TENM2: variants seen among roughly 807,000 people sequenced by gnomAD.
TENM2 encodes the protein teneurin transmembrane protein 2, also known as teneurin-2.
A neutral mutation model predicts 245.2 loss-of-function variants in TENM2; 52 were observed. The ratio of observed to expected loss-of-function variants is 0.21; its 90% CI spans 0.17 to 0.27. The LOEUF is 0.27. Ranked by LOEUF, TENM2 falls within the 10% of genes least tolerant of loss-of-function variation. The pLI is 1.00. For synonymous variants in TENM2, 1,363 were observed against 1,438.9 expected, an observed-to-expected ratio of 0.95 and a Z score of 1.19; for missense variants, 3,046 against 3,666.8, an observed-to-expected ratio of 0.83 and a Z score of 4.37.
the TENM2 span, chr5:167,168,187 G>T: frequency 1.3e-5 from 2 of 152,186 alleles, no homozygotes; most frequent in Admixed American, 6.5e-5. Flanking sequence ...GTATAAGTTT[G>T]AATTGTTTAT....
At chr5:167,706,753 G>A (rs112084310) in intron 2 of TENM2, among the ~76,000 whole-genome samples, 6,197 of 151,710 alleles carry the variant, frequency 0.041, 418 homozygotes, top group East Asian at 0.25. Flanking sequence ...GGTGGCTCAC[G>A]CCTGTAATCC....
At chr5:168,024,588 A>G (rs745434421) in intron 5 of TENM2, among the ~76,000 whole-genome samples, 1 of 152,226 alleles carries the variant, frequency 6.6e-6, no homozygotes, top group Non-Finnish European at 1.5e-5. Context: ...AATTAGCTCC[A>G]TGTGAAAAAT....
intron 2 of TENM2, among the ~76,000 whole-genome samples, chr5:167,665,809 G>A (rs1005353079): frequency 6.6e-6 from 1 of 152,002 alleles, no homozygotes; most frequent in African/African-American, 2.4e-5. Context: ...TTTCTTAAAT[G>A]TCCCATTCTG....
At chr5:167,969,661 T>A (rs1463073758) in intron 4 of TENM2, among the ~76,000 whole-genome samples, 1 of 152,208 alleles carries the variant, frequency 6.6e-6, no homozygotes, top group Non-Finnish European at 1.5e-5. Context: ...CTTGCACTTC[T>A]TTACTTTCTA....
intron 2 of TENM2, 76 bp from the exon 5 acceptor site, chr5:167,875,910 G>T (rs1305128901): frequency 2.0e-5 from 18 of 901,060 alleles, no homozygotes; most frequent in Non-Finnish European, 3.0e-5. Flanking sequence ...ATTGTGAGCT[G>T]GTTTCAATGT....
In TENM2 at chr5:167,483,968, C is replaced by T. The variant is rs138051617; in HGVS notation, c.502+108495C>T. On this transcript the variant is annotated intron_variant, in intron 2 of 28. Transcript: ENST00000518659. ...TTTCGATGCTAATTATGTATACATA[C>T]TTAAGTTGTTGTATGGGCTAGTGGG... 7.6e-4 allele frequency among the ~76,000 whole-genome samples: 115 copies of T among 152,232 alleles called. No individual in the cohort carries two copies. In the Middle Eastern group the frequency reaches 0.01, roughly 14 times the overall value.
chr5:167,802,142 G>A (rs73803208), intron 2 of TENM2, among the ~76,000 whole-genome samples: 10,584 of 152,068 alleles, frequency 0.07, 440 homozygotes, highest in Middle Eastern at 0.11. Context: ...CCATTCATGA[G>A]GGCAGAGCCT....
exon 29 of TENM2, chr5:168,262,261 T>A: frequency 6.2e-7 from 1 of 1,607,362 alleles, no homozygotes; most frequent in South Asian, 1.1e-5. Flanking sequence ...CCAGCGAAGA[T>A]AGCCGCAAGG....
intron 12 of TENM2, among the ~76,000 whole-genome samples, chr5:168,133,337 T>TA (rs1317680249): frequency 2.0e-5 from 3 of 152,322 alleles, no homozygotes; most frequent in Admixed American, 6.5e-5. Context: ...AAATATTAAG[T>TA]AAATAGTACA....
At chr5:167,061,432 T>C in the TENM2 span, among the ~76,000 whole-genome samples, 1 of 152,208 alleles carries the variant, frequency 6.6e-6, no homozygotes, top group Admixed American at 6.5e-5. Context: ...TGGACACAGA[T>C]AATTTAACAG....
intron 6 of TENM2, among the ~76,000 whole-genome samples, chr5:168,049,142 A>T (rs888231970): frequency 6.6e-5 from 10 of 152,190 alleles, no homozygotes; most frequent in Non-Finnish European, 4.4e-5. Flanking sequence ...TTTGATTGTC[A>T]CAGTTGGAAG....
intron 2 of TENM2, among the ~76,000 whole-genome samples, chr5:167,464,410 T>C (rs892149602): frequency 3.9e-5 from 6 of 152,170 alleles, no homozygotes; most frequent in Non-Finnish European, 7.3e-5. Flanking sequence ...TTTGTACAGA[T>C]GAGTAATAAA....
At chr5:167,130,244 A>G in the TENM2 span, among the ~76,000 whole-genome samples, 1 of 152,222 alleles carries the variant, frequency 6.6e-6, no homozygotes, top group African/African-American at 2.4e-5. Context: ...CTCTGGACAT[A>G]GAAATACAGA....
At chr5:167,380,247 A>C (rs989773415) in intron 2 of TENM2, among the ~76,000 whole-genome samples, 1 of 152,148 alleles carries the variant, frequency 6.6e-6, no homozygotes, top group African/African-American at 2.4e-5. Context: ...GTCTTAATAT[A>C]TGATTACTAT....
intron 2 of TENM2, among the ~76,000 whole-genome samples, chr5:167,658,428 G>A (rs943499349): frequency 1.3e-4 from 20 of 152,022 alleles, no homozygotes; most frequent in African/African-American, 4.3e-4. Flanking sequence ...GGCTGGTTTC[G>A]AACTTATGAT....
At chr5:167,984,693 G>A (rs1191060579) in intron 4 of TENM2, among the ~76,000 whole-genome samples, 1 of 152,112 alleles carries the variant, frequency 6.6e-6, no homozygotes, top group Admixed American at 6.5e-5. Flanking sequence ...TTTTTGTAAT[G>A]TGTGCATGTT....
chr5:167,952,487 C>T, intron 3 of TENM2, 101 bp from the exon 6 acceptor site: 1 of 981,650 alleles, frequency 1.0e-6, no homozygotes, highest in Non-Finnish European at 1.5e-6. Context: ...CAGCAATTGT[C>T]AGCTTAGAGA....
chr5:167,014,976 T>C, the TENM2 span, among the ~76,000 whole-genome samples: 1 of 152,198 alleles, frequency 6.6e-6, no homozygotes, highest in Non-Finnish European at 1.5e-5. Context: ...GTTAAAAAGG[T>C]TCTAAAAAAT....
intron 2 of TENM2, among the ~76,000 whole-genome samples, chr5:167,436,336 C>G (rs570937724): frequency 1.3e-5 from 2 of 152,200 alleles, no homozygotes; most frequent in African/African-American, 2.4e-5. Context: ...TTCCCCCCAC[C>G]TCAGCCTCCC....
Sources: allele counts gnomAD v4.1 joint callset (sites outside exome capture counted in the v4.1 genomes callset), GRCh38; gene constraint gnomAD v4.1.1; transcripts MANE v1.5; gene names NCBI Gene and HGNC (gene_info 2026-07-23, HGNC 2026-07-21).